Variants in MYO9A observed in about 807,000 individuals in gnomAD.
MYO9A encodes unconventional myosin-IXa.
In MYO9A, 103 loss-of-function variants were observed where a neutral mutation model predicts 293.3. That is an observed-to-expected ratio of 0.35 (90% CI 0.30 to 0.41). MYO9A has a LOEUF of 0.41. Among genes scored for constraint, MYO9A ranks in the 10% least tolerant of loss-of-function variants. The pLI, the probability that MYO9A is intolerant of heterozygous loss-of-function variation, is 1.00. For missense variants in MYO9A, 2,685 were observed against 3,033.0 expected (o/e 0.89, Z 2.69); for synonymous variants, 1,001 against 1,035.7 (o/e 0.97, Z 0.64).
intron 9 of MYO9A, among the ~76,000 whole-genome samples, chr15:71,997,339 C>T (rs1425350285): frequency 6.6e-6 from 1 of 152,104 alleles, no homozygotes; most frequent in Non-Finnish European, 1.5e-5. Flanking sequence ...TGGTGGCTCA[C>T]GCCTGTAATC....
At chr15:72,085,351 C>T (rs940823080) in intron 1 of MYO9A, among the ~76,000 whole-genome samples, 1 of 151,506 alleles carries the variant, frequency 6.6e-6, no homozygotes, top group African/African-American at 2.4e-5. Context: ...CAAGATTGAG[C>T]CACTGCACTC....
intron 1 of MYO9A, among the ~76,000 whole-genome samples, chr15:72,050,586 G>A (rs1325899210): frequency 6.6e-6 from 1 of 152,068 alleles, no homozygotes; most frequent in Non-Finnish European, 1.5e-5. Flanking sequence ...CAGCCTGGGT[G>A]ACAGAGCAAG....
At position 71,842,288 on chromosome 15, in the gene MYO9A, A is replaced by G. The variant is rs184931062; in HGVS notation, c.6837+6557T>C. Among the ~76,000 whole-genome samples, 34 of 152,076 alleles carry G rather than the reference A, an allele frequency of 2.2e-4. 1 individual carries two copies. The East Asian group carries it at 6.2e-3, about 28-fold the overall frequency. ...GCTACTCGGGAGGCTGAGGCATGAGAATCGCTTGAACCCAGGAGGCAGAGG... is the reference window on the plus strand; with the variant it reads ...GCTACTCGGGAGGCTGAGGCATGAGGATCGCTTGAACCCAGGAGGCAGAGG... On this transcript the variant is annotated intron_variant, in intron 39 of 41. Coordinates refer to ENST00000356056, the MANE Select transcript of MYO9A (RefSeq NM_006901.4).
chr15:72,063,734 AAC>A (rs2078940753), intron 1 of MYO9A, among the ~76,000 whole-genome samples: 1 of 152,206 alleles, frequency 6.6e-6, no homozygotes, highest in South Asian at 2.1e-4. Flanking sequence ...CCACTATAAA[AAC>A]AGTTTGGAGG....
At chr15:71,928,415 T>A (rs2058385961) in intron 18 of MYO9A, among the ~76,000 whole-genome samples, 1 of 151,922 alleles carries the variant, frequency 6.6e-6, no homozygotes, top group Admixed American at 6.6e-5. Context: ...AAGATTGCTT[T>A]GGCTATTTGG....
At position 71,862,584 on chromosome 15, in the gene MYO9A, T is replaced by TA; in HGVS notation, c.6006dup (p.Lys2003Ter). ...GTAGGGATGCTATATTGGGTGGCTT[T>TA]AAAGATGTGACCATTGTGTTCTTCC... On this transcript the variant is annotated frameshift_variant, in exon 33 of 42. Transcript: ENST00000356056. LOFTEE classifies it high-confidence loss of function. The TA allele has an allele frequency of 6.2e-7, 1 of 1,612,598 alleles. No individual in the cohort carries two copies.
intron 23 of MYO9A, among the ~76,000 whole-genome samples, chr15:71,900,959 T>G (rs2057465431): frequency 6.6e-6 from 1 of 152,234 alleles, no homozygotes; most frequent in Non-Finnish European, 1.5e-5. Context: ...CAAGACATTA[T>G]AACTACAAAT....
chr15:72,024,438 A>G (rs904227574), intron 4 of MYO9A, among the ~76,000 whole-genome samples: 2 of 152,002 alleles, frequency 1.3e-5, no homozygotes, highest in African/African-American at 2.4e-5. Context: ...GCATCACCAC[A>G]CCTGGCTAAT....
intron 39 of MYO9A, among the ~76,000 whole-genome samples, chr15:71,834,058 G>T (rs960982508): frequency 2.6e-5 from 4 of 152,032 alleles, no homozygotes; most frequent in African/African-American, 7.2e-5. Flanking sequence ...AAAGCCAAAT[G>T]TAGCTCTTTG....
intron 1 of MYO9A, among the ~76,000 whole-genome samples, chr15:72,048,734 G>C (rs2078466845): frequency 6.6e-6 from 1 of 152,018 alleles, no homozygotes. Context: ...GTTTAAGTTT[G>C]CATGTTTACT....
At chr15:72,059,147 T>C (rs754987056) in intron 1 of MYO9A, among the ~76,000 whole-genome samples, 6 of 152,208 alleles carry the variant, frequency 3.9e-5, no homozygotes, top group Non-Finnish European at 8.8e-5. Context: ...CAGAAAGCTC[T>C]GTCTGTCCTG....
chr15:71,968,680 C>T (rs542239160), intron 12 of MYO9A, among the ~76,000 whole-genome samples: 1 of 151,868 alleles, frequency 6.6e-6, no homozygotes, highest in South Asian at 2.1e-4. Context: ...ATTATTTAAT[C>T]GCATAATAGG....
rs377108280 is a variant in MYO9A, at chr15:71,883,632, G to T, written c.5360C>A (p.Ala1787Glu). The change falls in exon 28 of 42, where the codon GCA becomes GAA. Residue 1787 changes from alanine (A) to glutamate (E), a missense_variant. Physicochemically the swap from Ala to Glu is moderately radical, Grantham distance 107. Transcript: ENST00000356056. Reference protein sequence around the residue: ...TTQSEVSPLFAGTDVIPAHQF... With the variant: ...TTQSEVSPLFEGTDVIPAHQF... ...ATGAGCTGGAATCACATCTGTGCCT[G>T]CAAAGAGTGGCGAAACCTCTGACTG... The T allele has an allele frequency of 6.2e-7, 1 of 1,613,494 alleles. No homozygotes were observed. The highest frequency in any genetic ancestry group is 1.1e-5 in the South Asian group (1 of 91,002).
chr15:71,866,438 G>A (rs2056328549), intron 32 of MYO9A, among the ~76,000 whole-genome samples: 1 of 152,118 alleles, frequency 6.6e-6, no homozygotes, highest in African/African-American at 2.4e-5. Context: ...GGTAAGGTGG[G>A]AGGATCACTT....
chr15:71,970,537 T>G (rs1473509218), intron 12 of MYO9A, among the ~76,000 whole-genome samples: 1 of 152,186 alleles, frequency 6.6e-6, no homozygotes, highest in Non-Finnish European at 1.5e-5. Context: ...TTCAATCTAG[T>G]TTTTTTACAG....
intron 36 of MYO9A, among the ~76,000 whole-genome samples, chr15:71,851,717 G>A (rs140147268): frequency 8.7e-4 from 132 of 152,156 alleles, no homozygotes; most frequent in African/African-American, 3.0e-3. Flanking sequence ...AATATCCTAC[G>A]CACTTACAGC....
intron 4 of MYO9A, among the ~76,000 whole-genome samples, chr15:72,026,146 G>A (rs1005039871): frequency 1.3e-5 from 2 of 151,600 alleles, no homozygotes; most frequent in African/African-American, 4.8e-5. Flanking sequence ...GATGGCAGGC[G>A]CCTGTAGTCC....
chr15:71,896,706 G>C (rs2057338763), intron 25 of MYO9A, among the ~76,000 whole-genome samples: 1 of 151,850 alleles, frequency 6.6e-6, no homozygotes, highest in Non-Finnish European at 1.5e-5. Flanking sequence ...CTTGAGCCTA[G>C]GAGGCAGAGG....
intron 16 of MYO9A, among the ~76,000 whole-genome samples, chr15:71,938,108 A>G (rs1178737781): frequency 1.3e-5 from 2 of 152,128 alleles, no homozygotes; most frequent in Non-Finnish European, 2.9e-5. Context: ...ATAAGCAATA[A>G]AGAGTCATGA....
Sources: gnomAD v4.1 joint callset for allele counts (sites outside exome capture counted in the v4.1 genomes callset) on GRCh38, gnomAD v4.1.1 for gene constraint, MANE v1.5 for transcripts, NCBI Gene and HGNC (gene_info 2026-07-23, HGNC 2026-07-21) for gene names.